Variants in TUSC3 observed in about 807,000 individuals in gnomAD.
The protein encoded by TUSC3 is tumor suppressor candidate 3, also known as dolichyl-diphosphooligosaccharide--protein glycosyltransferase subunit TUSC3.
A neutral mutation model predicts 44.8 loss-of-function variants in TUSC3; 45 were observed. That is an observed-to-expected ratio of 1.00 (90% CI 0.79 to 1.29). The LOEUF is 1.29. Among genes scored for constraint, TUSC3 ranks in the 50% most tolerant of loss-of-function variants. The pLI is 0.00. For synonymous variants in TUSC3, 212 were observed against 152.9 expected (o/e 1.39, Z -2.85); for missense variants, 519 against 437.9 (o/e 1.19, Z -1.65).
At chr8:15,425,677 C>T (rs1176583851) in intron 1 of TUSC3, among the ~76,000 whole-genome samples, 1 of 152,170 alleles carries the variant, frequency 6.6e-6, no homozygotes, top group Non-Finnish European at 1.5e-5. Context: ...GGACCAGAGC[C>T]AAAGATTATA....
At chr8:15,604,513 T>C (rs1353460516) in intron 1 of TUSC3, among the ~76,000 whole-genome samples, 1 of 151,794 alleles carries the variant, frequency 6.6e-6, no homozygotes, top group African/African-American at 2.4e-5. Context: ...AAATATTTTC[T>C]TATAATTATT....
chr8:15,820,396 C>A, the TUSC3 span, among the ~76,000 whole-genome samples: 1 of 151,304 alleles, frequency 6.6e-6, no homozygotes, highest in Non-Finnish European at 1.5e-5. Context: ...ACTGCAACCT[C>A]CACTTACCAG....
intron 2 of TUSC3, among the ~76,000 whole-genome samples, chr8:15,523,084 AG>A (rs1383869398): frequency 2.0e-5 from 3 of 152,144 alleles, no homozygotes; most frequent in Non-Finnish European, 4.4e-5. Context: ...GTCATGGGTA[AG>A]TGCTACTAAG....
chr8:15,659,668 G>A, intron 4 of TUSC3, 21 bp downstream of exon 4: 1 of 1,610,694 alleles, frequency 6.2e-7, no homozygotes, highest in Non-Finnish European at 8.5e-7. Context: ...ATTCCTCACA[G>A]TTTTAATAAT....
At chr8:15,500,788 A>T (rs926196690) in intron 2 of TUSC3, among the ~76,000 whole-genome samples, 2 of 152,164 alleles carry the variant, frequency 1.3e-5, no homozygotes, top group Non-Finnish European at 2.9e-5. Flanking sequence ...GAAAAGTCCC[A>T]TGATTTATTT....
At chr8:15,417,350 G>C (rs1214147335) in intron 1 of TUSC3, 1 of 152,220 alleles carries the variant, frequency 6.6e-6, no homozygotes, top group Admixed American at 6.5e-5. Context: ...CACAGTCTCA[G>C]GTATTTCTTT....
At chr8:15,776,520 C>T in the TUSC3 span, among the ~76,000 whole-genome samples, 1 of 152,156 alleles carries the variant, frequency 6.6e-6, no homozygotes, top group Non-Finnish European at 1.5e-5. Flanking sequence ...CCATGTCTGT[C>T]TATTCATATT....
At chr8:15,420,518 G>T (rs1421107961) in intron 1 of TUSC3, among the ~76,000 whole-genome samples, 1 of 151,634 alleles carries the variant, frequency 6.6e-6, no homozygotes, top group Non-Finnish European at 1.5e-5. Flanking sequence ...AAAAAAAGTT[G>T]TGTGGAATCT....
At position 15,688,517 on chromosome 8, in the gene TUSC3, G is replaced by T. The variant is rs576186957; in HGVS notation, c.798+14681G>T. 1.8e-4 allele frequency among the ~76,000 whole-genome samples: 27 copies of T among 150,030 alleles called. No individual in the cohort carries two copies. In the South Asian group the frequency reaches 5.7e-3, roughly 32 times the overall value. ...AAATTGTGTGTCACAGGGGTTTGAT[G>T]TACAGATTATTTCATTGCCCAGGTA... On this transcript the variant is annotated intron_variant, in intron 6 of 10. Coordinates refer to ENST00000503731, the MANE Select transcript of TUSC3 (RefSeq NM_006765.4).
At chr8:15,832,902 G>T in the TUSC3 span, among the ~76,000 whole-genome samples, 1 of 152,032 alleles carries the variant, frequency 6.6e-6, no homozygotes, top group Non-Finnish European at 1.5e-5. Context: ...AGATATCCCA[G>T]ATTGGAACTC....
At chr8:15,697,055 G>C (rs1283682795) in intron 6 of TUSC3, among the ~76,000 whole-genome samples, 4 of 152,108 alleles carry the variant, frequency 2.6e-5, no homozygotes, top group African/African-American at 7.2e-5. Context: ...AGGTTTTCTA[G>C]TTTAGGCACT....
intron 8 of TUSC3, 126 bp from the exon 9 acceptor site, chr8:15,748,236 ATACCTGTTTGTTG>A (rs1811507682): frequency 1.4e-6 from 1 of 710,080 alleles, no homozygotes; most frequent in Admixed American, 2.1e-5. Flanking sequence ...CTGTATCCAA[ATACCTGTTTGTTG>A]TACCTGTATG....
At chr8:15,425,980 T>C (rs2129116050) in intron 1 of TUSC3, among the ~76,000 whole-genome samples, 1 of 152,326 alleles carries the variant, frequency 6.6e-6, no homozygotes, top group East Asian at 1.9e-4. Context: ...TGTGCCATTG[T>C]ACTCAAGCCT....
chr8:15,498,167 C>A (rs1328117768), intron 2 of TUSC3, among the ~76,000 whole-genome samples: 1 of 151,986 alleles, frequency 6.6e-6, no homozygotes, highest in South Asian at 2.1e-4. Flanking sequence ...GGGATAGTTA[C>A]CTTTGAGTGG....
intron 2 of TUSC3, among the ~76,000 whole-genome samples, chr8:15,640,474 C>T (rs1408941783): frequency 6.6e-6 from 1 of 152,226 alleles, no homozygotes; most frequent in Non-Finnish European, 1.5e-5. Context: ...GGACGCCCAA[C>T]ACACAACCTT....
intron 5 of TUSC3, among the ~76,000 whole-genome samples, chr8:15,665,993 T>A (rs551002679): frequency 1.3e-5 from 2 of 151,530 alleles, no homozygotes; most frequent in South Asian, 4.2e-4. Context: ...TATACATTAC[T>A]TGCTTTATGA....
intron 1 of TUSC3, among the ~76,000 whole-genome samples, chr8:15,422,083 T>C (rs1462080395): frequency 2.0e-5 from 3 of 152,214 alleles, no homozygotes; most frequent in Non-Finnish European, 4.4e-5. Context: ...CCCATCTTTC[T>C]GATACTCTTA....
chr8:15,565,010 T>C (rs1802611583), intron 1 of TUSC3, among the ~76,000 whole-genome samples: 1 of 152,154 alleles, frequency 6.6e-6, no homozygotes, highest in Admixed American at 6.5e-5. Context: ...ATGCATTTTG[T>C]ATTGTTGCTG....
chr8:15,611,735 C>G lies in TUSC3; in HGVS notation c.139-11345C>G, dbSNP rs572688988. Among the ~76,000 whole-genome samples the G allele has an allele frequency of 9.2e-5, 14 of 152,190 alleles. 1 individual carries two copies. The South Asian group carries it at 2.9e-3, about 32-fold the overall frequency. ...GTAGTGGTGGTCTTTACTGAACTAT[C>G]AGTTTGTAATGTAGATGAGGTGGTA... On this transcript the variant is annotated intron_variant, in intron 1 of 10. Coordinates refer to ENST00000503731, the MANE Select transcript of TUSC3 (RefSeq NM_006765.4).
Sources: allele counts gnomAD v4.1 joint callset (sites outside exome capture counted in the v4.1 genomes callset), GRCh38; gene constraint gnomAD v4.1.1; transcripts MANE v1.5; gene names NCBI Gene and HGNC (gene_info 2026-07-23, HGNC 2026-07-21).